Variants in ACACB observed in about 807,000 individuals in gnomAD.
ACACB encodes acetyl-CoA carboxylase 2.
ACACB carries 209 observed loss-of-function variants against 278.8 expected under a neutral mutation model. That is an observed-to-expected ratio of 0.75 (90% CI 0.67 to 0.84). The LOEUF (loss-of-function observed/expected upper bound fraction) is 0.84, where lower values mean the gene tolerates loss of function less well. ACACB is among the 40% of genes least tolerant of loss of function. ACACB has a pLI of 0.00. For synonymous variants in ACACB, 1,174 were observed against 1,285.6 expected, an observed-to-expected ratio of 0.91 and a Z score of 1.86; for missense variants, 2,850 against 3,269.0, an observed-to-expected ratio of 0.87 and a Z score of 3.13.
chr12:109,228,889 T>TA (rs1432288584), intron 28 of ACACB, among the ~76,000 whole-genome samples: 4 of 152,192 alleles, frequency 2.6e-5, no homozygotes, highest in Non-Finnish European at 5.9e-5. Context: ...TGATCATGAC[T>TA]AACGCTGTTA....
Position 109,262,487 on chromosome 12 carries a change from G to T in ACACB, c.6787+18G>T, listed in dbSNP as rs368881213. 18 of 1,582,366 alleles carry T rather than the reference G, an allele frequency of 1.1e-5. No individual in the cohort carries two copies. The Middle Eastern group carries it at 8.5e-4, about 75-fold the overall frequency. ...ACAGCTAGGTAAGGGGGTCCCAAAG[G>T]CTTCACCTCTCAGAGGTCAAGAGAG... On this transcript the variant is annotated intron_variant, in intron 49 of 52. Coordinates refer to ENST00000338432, the MANE Select transcript of ACACB (RefSeq NM_001093.4).
chr12:109,192,514 G>A (rs1186968406), intron 15 of ACACB, among the ~76,000 whole-genome samples: 1 of 152,138 alleles, frequency 6.6e-6, no homozygotes, highest in Non-Finnish European at 1.5e-5. Flanking sequence ...GCCAGGAGCA[G>A]CCCTTCCCTC....
chr12:109,161,053 C>T (rs578213667), intron 2 of ACACB, among the ~76,000 whole-genome samples: 5 of 152,164 alleles, frequency 3.3e-5, no homozygotes, highest in East Asian at 1.9e-4. Context: ...ATGAGGGGTG[C>T]GGCTGTGTGT....
In ACACB at chr12:109,256,208, G is replaced by A. The variant is rs760406701; in HGVS notation, c.6235G>A (p.Ala2079Thr). The A allele has an allele frequency of 2.9e-5, 47 of 1,613,908 alleles. No homozygotes were observed. The highest frequency in any genetic ancestry group is 3.6e-5 in the Non-Finnish European group (43 of 1,179,948). Reference sequence around the variant, plus strand: ...TTTCAAGGAAATCATGGCACCCTGGGCGCAGACCGTGGTGACAGGACGAGC... The same window carrying A: ...TTTCAAGGAAATCATGGCACCCTGGACGCAGACCGTGGTGACAGGACGAGC... ...GSFKEIMAPW[A>T]QTVVTGRARL... Residue 2079 changes from alanine to threonine, a missense_variant, in exon 45 of 53, where the codon GCG (alanine) becomes ACG (threonine). By Grantham distance (58) the Ala-to-Thr change is moderately conservative. This residue lies in a region of ACACB where 579 missense variants were observed against 684.6 expected (regional missense o/e 0.85). Transcript: ENST00000338432.
At chr12:109,158,960 G>A (rs956363203) in intron 2 of ACACB, among the ~76,000 whole-genome samples, 3 of 142,630 alleles carry the variant, frequency 2.1e-5, no homozygotes, top group African/African-American at 8.0e-5. Context: ...GGGCGACAGA[G>A]CAAGACTCCC....
chr12:109,209,932 CACACAT>C (rs1198916918), intron 21 of ACACB, among the ~76,000 whole-genome samples: 168 of 63,548 alleles, frequency 2.6e-3, no homozygotes, highest in Non-Finnish European at 3.5e-3. Flanking sequence ...TATGTGTATA[CACACAT>C]ACACACACGT....
intron 1 of ACACB, among the ~76,000 whole-genome samples, chr12:109,131,182 G>A (rs377050703): frequency 6.6e-6 from 1 of 152,228 alleles, no homozygotes; most frequent in Non-Finnish European, 1.5e-5. Context: ...AGAAGGCTGA[G>A]TGAGGACCTT....
intron 22 of ACACB, among the ~76,000 whole-genome samples, 199 bp from the exon 23 acceptor site, chr12:109,216,419 A>C (rs2046000388): frequency 6.6e-6 from 1 of 151,186 alleles, no homozygotes; most frequent in South Asian, 2.1e-4. Context: ...ACAGGGTTTC[A>C]CCATTTTGGC....
At chr12:109,170,805 A>G (rs2044087086) in intron 4 of ACACB, among the ~76,000 whole-genome samples, 1 of 149,654 alleles carries the variant, frequency 6.7e-6, no homozygotes, top group Non-Finnish European at 1.5e-5. Context: ...TTTTTTTTTT[A>G]CCATAATTTA....
At chr12:109,174,571 T>C (rs1277220237) in intron 7 of ACACB, among the ~76,000 whole-genome samples, 1 of 147,258 alleles carries the variant, frequency 6.8e-6, no homozygotes, top group Non-Finnish European at 1.5e-5. Flanking sequence ...AAAAGACAGA[T>C]CTTGGCCAGT....
intron 10 of ACACB, among the ~76,000 whole-genome samples, chr12:109,179,587 A>G (rs1384333395): frequency 6.6e-6 from 1 of 152,168 alleles, no homozygotes; most frequent in Non-Finnish European, 1.5e-5. Context: ...CCTGGGCTCA[A>G]GTGATCCTCC....
rs1255471859 is a variant in ACACB, at chr12:109,241,209, C to T, written c.4950C>T (p.Phe1650=). The change falls in exon 36 of 53, where the codon TTC becomes TTT. Residue 1650 remains phenylalanine (F), a synonymous_variant. Coordinates refer to ENST00000338432, the MANE Select transcript of ACACB (RefSeq NM_001093.4). ...TTGSAVPIRL[F]ITNESGYYLD... ...GCAGTGCCGTTCCCATCCGCCTGTT[C>T]ATCACCAATGAGTCGGGCTACTACC... 1 of 1,614,224 alleles carries T rather than the reference C, an allele frequency of 6.2e-7. No homozygotes were observed. The highest frequency in any genetic ancestry group is 1.1e-5 in the South Asian group (1 of 91,086).
At chr12:109,125,605 G>T (rs781006450) in intron 1 of ACACB, 5 of 151,704 alleles carry the variant, frequency 3.3e-5, no homozygotes, top group Non-Finnish European at 5.9e-5. Context: ...ATCACTTAGC[G>T]CAATGCTTGG....
intron 18 of ACACB, among the ~76,000 whole-genome samples, 165 bp from the exon 19 acceptor site, chr12:109,201,402 G>C (rs1467328487): frequency 6.6e-6 from 1 of 152,094 alleles, no homozygotes; most frequent in Non-Finnish European, 1.5e-5. Flanking sequence ...TTCCAGTAAA[G>C]GTCACTTTTC....
At chr12:109,181,157 C>G (rs996031548) in intron 11 of ACACB, among the ~76,000 whole-genome samples, 1 of 151,546 alleles carries the variant, frequency 6.6e-6, no homozygotes, top group Non-Finnish European at 1.5e-5. Flanking sequence ...AAATCATGGT[C>G]TCATTCTTTT....
chr12:109,252,403 C>T (rs1441216298), intron 42 of ACACB: 2 of 334,900 alleles, frequency 6.0e-6, no homozygotes, highest in South Asian at 1.0e-4. Context: ...TATTGAAGTG[C>T]CATTACACAT....
chr12:109,163,884 A>C (rs530185060), intron 2 of ACACB, among the ~76,000 whole-genome samples: 1 of 152,328 alleles, frequency 6.6e-6, no homozygotes, highest in Admixed American at 6.5e-5. Flanking sequence ...TCCTGACCTT[A>C]AGTGATCTTC....
At chr12:109,251,135 A>G (rs1451909378) in intron 41 of ACACB, among the ~76,000 whole-genome samples, 2 of 152,158 alleles carry the variant, frequency 1.3e-5, no homozygotes, top group African/African-American at 4.8e-5. Context: ...ACCTCTTAGC[A>G]TGCATGCTTG....
At chr12:109,171,752 A>T in intron 4 of ACACB, 53 bp from the exon 5 acceptor site, 3 of 1,373,508 alleles carry the variant, frequency 2.2e-6, no homozygotes, top group Non-Finnish European at 3.1e-6. Flanking sequence ...ATGTTCTGCC[A>T]TTGATGTCAG....
Sources: allele counts gnomAD v4.1 joint callset (sites outside exome capture counted in the v4.1 genomes callset), GRCh38; gene constraint gnomAD v4.1.1; regional missense constraint gnomAD v4.1.1; transcripts MANE v1.5; gene names NCBI Gene and HGNC (gene_info 2026-07-23, HGNC 2026-07-21).